EPSTI1: variants seen among roughly 807,000 people sequenced by gnomAD.
The protein encoded by EPSTI1 is epithelial stromal interaction 1, also known as epithelial-stromal interaction protein 1.
In EPSTI1, 66 loss-of-function variants were observed where a neutral mutation model predicts 49.9. The ratio of observed to expected loss-of-function variants is 1.32; its 90% CI spans 1.08 to 1.62. The LOEUF is 1.62. Among genes scored for constraint, EPSTI1 ranks in the 40% most tolerant of loss-of-function variants. EPSTI1 has a pLI of 0.00. For missense variants in EPSTI1, 394 were observed against 365.5 expected (o/e 1.08, Z -0.64); for synonymous variants, 137 against 130.7 (o/e 1.05, Z -0.33).
At chr13:42,981,405 T>C (rs1398027700) in intron 1 of EPSTI1, among the ~76,000 whole-genome samples, 2 of 152,228 alleles carry the variant, frequency 1.3e-5, no homozygotes, top group Admixed American at 6.5e-5. Context: ...GTTAGTAATA[T>C]GTTTTCAAGC....
intron 1 of EPSTI1, among the ~76,000 whole-genome samples, chr13:42,987,361 C>A (rs930755859): frequency 7.9e-5 from 12 of 151,672 alleles, no homozygotes; most frequent in Non-Finnish European, 1.8e-4. Flanking sequence ...AAAAAAAAAA[C>A]CACACAACTC....
chr13:42,965,528 C>A (rs2039579122), intron 3 of EPSTI1, among the ~76,000 whole-genome samples: 1 of 152,138 alleles, frequency 6.6e-6, no homozygotes, highest in Non-Finnish European at 1.5e-5. Context: ...TAACTAACTT[C>A]AGCCTATAAA....
At chr13:42,942,708 G>T (rs2153425958) in intron 6 of EPSTI1, among the ~76,000 whole-genome samples, 1 of 108,814 alleles carries the variant, frequency 9.2e-6, no homozygotes, top group Non-Finnish European at 1.7e-5. Context: ...TTGAGACGGA[G>T]TCTTGCTCTG....
intron 1 of EPSTI1, among the ~76,000 whole-genome samples, chr13:42,981,742 C>T (rs1328570905): frequency 6.6e-6 from 1 of 152,142 alleles, no homozygotes; most frequent in Non-Finnish European, 1.5e-5. Flanking sequence ...GGAGGTAACC[C>T]TCTAATGGGT....
chr13:42,899,146 C>T (rs1398215943), intron 9 of EPSTI1, among the ~76,000 whole-genome samples: 3 of 150,454 alleles, frequency 2.0e-5, no homozygotes, highest in Non-Finnish European at 3.0e-5. Context: ...TGCAGTGAGC[C>T]GAGATCCTGC....
intron 10 of EPSTI1, among the ~76,000 whole-genome samples, chr13:42,891,102 C>T (rs1279215008): frequency 6.6e-6 from 1 of 152,176 alleles, no homozygotes; most frequent in Non-Finnish European, 1.5e-5. Context: ...AATTCTATCT[C>T]ATCAGGATAT....
chr13:42,963,358 C>A lies in EPSTI1; in HGVS notation c.406-20G>T. On this transcript the variant is annotated intron_variant, in intron 4 of 10. Transcript: ENST00000313624. ...TTTTAGCTAAATTGTATTGAAATTA[C>A]AGAGAACAAAAACAGTTACCATTTT... 1 of 1,582,600 alleles carries A rather than the reference C, an allele frequency of 6.3e-7. No homozygotes were observed. The highest frequency in any genetic ancestry group is 2.2e-5 in the East Asian group (1 of 44,700).
intron 8 of EPSTI1, among the ~76,000 whole-genome samples, chr13:42,910,021 A>T (rs1339355001): frequency 6.6e-6 from 1 of 152,214 alleles, no homozygotes; most frequent in East Asian, 1.9e-4. Context: ...CCATTTCACA[A>T]TGTTTATATA....
chr13:42,909,757 G>T (rs2037610261), intron 8 of EPSTI1, among the ~76,000 whole-genome samples: 2 of 152,076 alleles, frequency 1.3e-5, no homozygotes, highest in South Asian at 4.1e-4. Context: ...TAGAATCATG[G>T]TTACCAGAGG....
intron 10 of EPSTI1, among the ~76,000 whole-genome samples, 162 bp downstream of exon 10, chr13:42,894,847 G>A (rs188067583): frequency 2.2e-4 from 34 of 152,234 alleles, no homozygotes; most frequent in African/African-American, 7.5e-4. Flanking sequence ...AGCTATTGTG[G>A]AATTTACAGT....
chr13:42,964,368 A>T (rs966794773), intron 3 of EPSTI1, among the ~76,000 whole-genome samples: 2 of 151,462 alleles, frequency 1.3e-5, no homozygotes, highest in South Asian at 2.1e-4. Context: ...ACAAAAGAGC[A>T]CTTTTACTAA....
intron 1 of EPSTI1, chr13:42,991,067 C>CA (rs2153437710): frequency 6.6e-6 from 1 of 152,364 alleles, no homozygotes; most frequent in Admixed American, 6.5e-5. Flanking sequence ...CACATATCAA[C>CA]ATCAGGGATG....
chr13:42,951,431 T>G (rs769705401), intron 6 of EPSTI1, among the ~76,000 whole-genome samples: 1 of 152,236 alleles, frequency 6.6e-6, no homozygotes, highest in Non-Finnish European at 1.5e-5. Context: ...TTTGAGATAC[T>G]TCTCAATTTT....
At chr13:42,965,676 C>CATTGGCCA (rs1594741827) in intron 3 of EPSTI1, among the ~76,000 whole-genome samples, 70 of 71,714 alleles carry the variant, frequency 9.8e-4, no homozygotes, top group East Asian at 1.5e-3. Context: ...AGCTGGAGTC[C>CATTGGCCA]CTGTCCCTCT....
intron 5 of EPSTI1, among the ~76,000 whole-genome samples, chr13:42,958,093 C>CGTT (rs2039329331): frequency 6.6e-6 from 1 of 152,130 alleles, no homozygotes; most frequent in Non-Finnish European, 1.5e-5. Context: ...TTAAGAACAC[C>CGTT]GTTGGTGATC....
At position 42,963,142 on chromosome 13, in the gene EPSTI1, A is replaced by G. The variant is rs1349406820; in HGVS notation, c.489+113T>C. 1.7e-5 allele frequency: 11 copies of G among 651,356 alleles called. No homozygotes were observed. The East Asian group carries it at 3.9e-4, about 23-fold the overall frequency. 40.3% of individuals were successfully genotyped at this position (651,356 alleles called of 1,614,324 possible). A position where few individuals can be genotyped will look rare whatever the true frequency, so the allele number is the denominator to read the frequency against. On this transcript the variant is annotated intron_variant, in intron 5 of 10. Transcript: ENST00000313624. ...AGGAAAAGAAGAGTGGGGAATAGAA[A>G]GAGAGAGAGAGAGAAAGATGGATAA...
At chr13:42,914,192 T>C (rs115575219) in intron 8 of EPSTI1, among the ~76,000 whole-genome samples, 2,775 of 152,334 alleles carry the variant, frequency 0.018, 54 homozygotes, top group African/African-American at 0.056. Flanking sequence ...TGAATCACTA[T>C]AAAATTTAAA....
Position 42,953,996 on chromosome 13 carries a change from C to A in EPSTI1, c.515G>T (p.Arg172Ile), listed in dbSNP as rs567502417. The A allele has an allele frequency of 1.2e-6, 2 of 1,612,556 alleles. No individual in the cohort carries two copies. The highest frequency in any genetic ancestry group is 1.7e-6 in the Non-Finnish European group (2 of 1,179,730). ...EKSNKLEEKK[R>I]LQENLRREAF... Reference sequence around the variant, plus strand: ...TTCTCTTCTAAGGTTTTCTTGAAGTCTTTTTTTCTCCTCCAGTTTATTGCT... The same window carrying A: ...TTCTCTTCTAAGGTTTTCTTGAAGTATTTTTTTCTCCTCCAGTTTATTGCT... Residue 172 changes from arginine (R) to isoleucine (I), a missense_variant, in exon 6 of 11, where the codon AGA (arginine) becomes ATA (isoleucine). Physicochemically the swap from Arg to Ile is moderately conservative, Grantham distance 97. Transcript: ENST00000313624.
intron 6 of EPSTI1, among the ~76,000 whole-genome samples, chr13:42,932,096 T>C (rs530867774): frequency 4.8e-5 from 7 of 147,220 alleles, no homozygotes; most frequent in African/African-American, 1.8e-4. Context: ...CACACCACAA[T>C]GCTCAGCTAA....
Sources: gnomAD v4.1 joint callset for allele counts (sites outside exome capture counted in the v4.1 genomes callset) on GRCh38, gnomAD v4.1.1 for gene constraint, MANE v1.5 for transcripts, NCBI Gene and HGNC (gene_info 2026-07-23, HGNC 2026-07-21) for gene names.